Variants in CNTNAP2 observed in about 807,000 individuals in gnomAD.
CNTNAP2 encodes the protein contactin-associated protein-like 2.
CNTNAP2 carries 98 observed loss-of-function variants against 155.2 expected under a neutral mutation model. The ratio of observed to expected loss-of-function variants is 0.63; its 90% CI spans 0.54 to 0.75. The LOEUF (loss-of-function observed/expected upper bound fraction) is 0.75, where lower values mean the gene tolerates loss of function less well. Among genes scored for constraint, CNTNAP2 ranks in the 30% least tolerant of loss-of-function variants. The pLI is 0.00. For synonymous variants in CNTNAP2, 651 were observed against 631.2 expected (o/e 1.03, Z -0.47); for missense variants, 1,727 against 1,688.1 (o/e 1.02, Z -0.40).
intron 9 of CNTNAP2, among the ~76,000 whole-genome samples, chr7:147,319,370 T>C (rs939136190): frequency 1.3e-5 from 2 of 152,280 alleles, no homozygotes; most frequent in South Asian, 2.1e-4. Context: ...TTTGCACTTA[T>C]ATATAAGTAA....
chr7:148,302,813 CTTTTTTTTTT>C (rs59354674), intron 21 of CNTNAP2, among the ~76,000 whole-genome samples: 40 of 86,916 alleles, frequency 4.6e-4, no homozygotes, highest in Non-Finnish European at 6.8e-4. Flanking sequence ...CTCGATTATT[CTTTTTTTTTT>C]TTTTTTTTTT....
chr7:146,880,103 T>TA (rs1422961248), intron 3 of CNTNAP2, among the ~76,000 whole-genome samples: 1 of 152,058 alleles, frequency 6.6e-6, no homozygotes, highest in African/African-American at 2.4e-5. Flanking sequence ...TTATGGCAGC[T>TA]AAAATTTCAA....
intron 18 of CNTNAP2, among the ~76,000 whole-genome samples, chr7:148,215,746 T>C (rs968112002): frequency 1.3e-5 from 2 of 152,142 alleles, no homozygotes; most frequent in Non-Finnish European, 2.9e-5. Flanking sequence ...TCCCATTTTT[T>C]AGGGACGAAA....
intron 15 of CNTNAP2, among the ~76,000 whole-genome samples, chr7:148,114,274 A>G (rs1804416749): frequency 6.6e-6 from 1 of 152,246 alleles, no homozygotes; most frequent in African/African-American, 2.4e-5. Flanking sequence ...AGTAGGTGCT[A>G]AAGCAGCATT....
At chr7:147,687,493 C>T (rs752901767) in intron 13 of CNTNAP2, among the ~76,000 whole-genome samples, 1 of 151,896 alleles carries the variant, frequency 6.6e-6, no homozygotes, top group Non-Finnish European at 1.5e-5. Flanking sequence ...CAATAGTAAT[C>T]AAGGAAAAGA....
intron 8 of CNTNAP2, among the ~76,000 whole-genome samples, chr7:147,242,097 T>C (rs1199111947): frequency 6.6e-6 from 1 of 152,228 alleles, no homozygotes; most frequent in Non-Finnish European, 1.5e-5. Context: ...TAAATGTTTT[T>C]CTTTGACTTT....
chr7:147,977,409 G>T (rs1034701223), intron 14 of CNTNAP2, among the ~76,000 whole-genome samples: 1 of 152,220 alleles, frequency 6.6e-6, no homozygotes. Context: ...AACAAAAGGT[G>T]TCCCTTATTT....
intron 15 of CNTNAP2, among the ~76,000 whole-genome samples, chr7:148,015,489 G>A (rs953354230): frequency 6.6e-6 from 1 of 152,198 alleles, no homozygotes; most frequent in East Asian, 1.9e-4. Flanking sequence ...GAGACCCAGT[G>A]TCACAGAGAA....
chr7:147,678,997 A>G (rs1160836069), intron 13 of CNTNAP2, among the ~76,000 whole-genome samples: 1 of 151,930 alleles, frequency 6.6e-6, no homozygotes, highest in African/African-American at 2.4e-5. Context: ...CTTGAAAATT[A>G]TATTTCAAAC....
At chr7:146,705,979 A>G (rs1435642552) in intron 1 of CNTNAP2, among the ~76,000 whole-genome samples, 3 of 152,170 alleles carry the variant, frequency 2.0e-5, no homozygotes, top group South Asian at 2.1e-4. Flanking sequence ...ACCATAGCAG[A>G]CAGAGTTTCT....
chr7:146,978,553 G>A (rs1797956105), intron 3 of CNTNAP2, among the ~76,000 whole-genome samples: 1 of 151,910 alleles, frequency 6.6e-6, no homozygotes, highest in Admixed American at 6.6e-5. Context: ...ATTTAAGAAG[G>A]GGAGATTTTT....
chr7:146,989,671 A>C (rs1265195626), intron 3 of CNTNAP2, among the ~76,000 whole-genome samples: 1 of 152,136 alleles, frequency 6.6e-6, no homozygotes, highest in Non-Finnish European at 1.5e-5. Flanking sequence ...ATAGGCACTT[A>C]TGAATAAGTA....
chr7:146,747,791 A>T (rs1801834207), intron 1 of CNTNAP2, among the ~76,000 whole-genome samples: 2 of 152,164 alleles, frequency 1.3e-5, no homozygotes, highest in Admixed American at 1.3e-4. Flanking sequence ...TTACATATAG[A>T]TCCCCTATAA....
At chr7:146,240,561 A>G (rs1799544577) in intron 1 of CNTNAP2, among the ~76,000 whole-genome samples, 1 of 151,512 alleles carries the variant, frequency 6.6e-6, no homozygotes, top group East Asian at 1.9e-4. Flanking sequence ...AATGCCTCAC[A>G]CTTATGTACA....
At chr7:147,734,784 A>G (rs1451285506) in intron 13 of CNTNAP2, among the ~76,000 whole-genome samples, 1 of 152,008 alleles carries the variant, frequency 6.6e-6, no homozygotes, top group Non-Finnish European at 1.5e-5. Flanking sequence ...TGTCTTCTGG[A>G]TTTTCTAGTT....
intron 13 of CNTNAP2, among the ~76,000 whole-genome samples, chr7:147,806,387 G>C (rs1315448601): frequency 6.6e-6 from 1 of 152,156 alleles, no homozygotes; most frequent in African/African-American, 2.4e-5. Flanking sequence ...TTGCCCACTG[G>C]TGGTGGGAAT....
At chr7:147,029,465 C>A (rs1798985881) in intron 3 of CNTNAP2, among the ~76,000 whole-genome samples, 1 of 151,640 alleles carries the variant, frequency 6.6e-6, no homozygotes, top group African/African-American at 2.4e-5. Context: ...AAAAACTGAG[C>A]AAACACCATC....
In CNTNAP2 at chr7:147,144,510, C is replaced by T. The variant is rs146102020; in HGVS notation, c.1348+12001C>T. ...ATAGGGAAATGTGAAATCTGGATCACATGTAGATCTATTGGCAGGTACGTT... is the reference window on the plus strand; with the variant it reads ...ATAGGGAAATGTGAAATCTGGATCATATGTAGATCTATTGGCAGGTACGTT... On this transcript the variant is annotated intron_variant, in intron 8 of 23. Transcript: ENST00000361727. 2.2e-3 allele frequency among the ~76,000 whole-genome samples: 336 copies of T among 152,340 alleles called. 3 individuals are homozygous for T. Among genetic ancestry groups the T allele is most frequent in the African/African-American group, 7.8e-3 (324 of 41,580 alleles).
chr7:146,359,505 G>C (rs1457042432), intron 1 of CNTNAP2, among the ~76,000 whole-genome samples: 1 of 152,124 alleles, frequency 6.6e-6, no homozygotes, highest in Non-Finnish European at 1.5e-5. Context: ...TTACCTTAGG[G>C]GAAGCCCTTG....
Sources: allele counts gnomAD v4.1 joint callset (sites outside exome capture counted in the v4.1 genomes callset), GRCh38; gene constraint gnomAD v4.1.1; transcripts MANE v1.5; gene names NCBI Gene and HGNC (gene_info 2026-07-23, HGNC 2026-07-21).